EPB41L2: variants seen among roughly 807,000 people sequenced by gnomAD.
EPB41L2 encodes band 4.1-like protein 2.
A neutral mutation model predicts 113.0 loss-of-function variants in EPB41L2; 43 were observed. That is an observed-to-expected ratio of 0.38 (90% CI 0.30 to 0.49). The LOEUF (loss-of-function observed/expected upper bound fraction) is 0.49. Ranked by LOEUF, EPB41L2 falls within the 20% of genes least tolerant of loss-of-function variation. The probability of loss-of-function intolerance (pLI) is 0.95; values close to 1 mark genes in which losing one functional copy is unlikely to be tolerated. For missense variants in EPB41L2, 1,147 were observed against 1,223.4 expected, an observed-to-expected ratio of 0.94 and a Z score of 0.93; for synonymous variants, 442 against 436.7, an observed-to-expected ratio of 1.01 and a Z score of -0.15.
At chr6:130,946,896 A>G (rs1310097492) in intron 3 of EPB41L2, among the ~76,000 whole-genome samples, 2 of 152,050 alleles carry the variant, frequency 1.3e-5, no homozygotes. Context: ...GACCAAAGGT[A>G]CTGATAGGTA....
At chr6:131,005,088 A>C (rs1785170783) in intron 1 of EPB41L2, among the ~76,000 whole-genome samples, 1 of 152,202 alleles carries the variant, frequency 6.6e-6, no homozygotes, top group African/African-American at 2.4e-5. Context: ...ATATAGATAC[A>C]TTTAAAGTAG....
At chr6:131,050,743 T>G (rs1401633961) in intron 1 of EPB41L2, among the ~76,000 whole-genome samples, 1 of 152,226 alleles carries the variant, frequency 6.6e-6, no homozygotes. Flanking sequence ...AATCCCCAAA[T>G]CATATTCAAA....
intron 1 of EPB41L2, among the ~76,000 whole-genome samples, chr6:130,964,210 T>TG (rs1272893908): frequency 6.6e-6 from 1 of 152,026 alleles, no homozygotes; most frequent in African/African-American, 2.4e-5. Context: ...TTAGTAGAGA[T>TG]GGGGTTTCAC....
At chr6:131,027,774 C>T (rs374737510) in intron 1 of EPB41L2, among the ~76,000 whole-genome samples, 1 of 152,234 alleles carries the variant, frequency 6.6e-6, no homozygotes, top group East Asian at 1.9e-4. Flanking sequence ...TAAACATATA[C>T]ACCAACTACA....
chr6:130,865,447 G>C (rs1163264017), intron 17 of EPB41L2, 89 bp downstream of exon 17: 1 of 1,276,506 alleles, frequency 7.8e-7, no homozygotes, highest in African/African-American at 1.5e-5. Flanking sequence ...ATCTTACTTG[G>C]AAGTGTGTAC....
chr6:130,931,709 G>A (rs993542121), intron 3 of EPB41L2, among the ~76,000 whole-genome samples: 1 of 151,920 alleles, frequency 6.6e-6, no homozygotes, highest in African/African-American at 2.4e-5. Context: ...GAAGAACCAA[G>A]GCACAATGCA....
chr6:130,867,970 ACACTCTCT>A (rs1172374612), intron 15 of EPB41L2: 174 of 102,618 alleles, frequency 1.7e-3, no homozygotes, highest in African/African-American at 6.1e-3. Flanking sequence ...ACACACACAC[ACACTCTCT>A]CTCTCTCTCT....
chr6:130,989,104 A>G (rs1425164084), intron 1 of EPB41L2, among the ~76,000 whole-genome samples: 1 of 152,024 alleles, frequency 6.6e-6, no homozygotes. Flanking sequence ...CAAACAAACA[A>G]ACAAAGAATG....
At chr6:130,877,476 T>G (rs1230424473) in intron 14 of EPB41L2, among the ~76,000 whole-genome samples, 2 of 152,200 alleles carry the variant, frequency 1.3e-5, no homozygotes. Context: ...GAAGGCAATA[T>G]GTACTCATAT....
At chr6:130,974,889 C>A (rs1777849260) in intron 1 of EPB41L2, among the ~76,000 whole-genome samples, 1 of 151,890 alleles carries the variant, frequency 6.6e-6, no homozygotes, top group Non-Finnish European at 1.5e-5. Flanking sequence ...TCCCGAGTAC[C>A]TGGGACTACA....
chr6:130,880,198 G>T lies in EPB41L2; in HGVS notation c.1842C>A (p.Ser614=), dbSNP rs1562375866. 1 of 1,608,206 alleles carries T rather than the reference G, an allele frequency of 6.2e-7. No homozygotes were observed. Among genetic ancestry groups the T allele is most frequent in the South Asian group, 1.1e-5 (1 of 90,854 alleles). ...HLQLIEGKKN[S]LRVEGDNIYV... is the part of the protein sequence containing the mutation. ...AAATATTATCCCCTTCTACTCTCAAGGAATTTTTCTGTGAAATTAAATCAC... is the reference window on the plus strand; with the variant it reads ...AAATATTATCCCCTTCTACTCTCAATGAATTTTTCTGTGAAATTAAATCAC... The change falls in exon 13 of 20, where the codon TCC becomes TCA. Residue 614 remains serine (S), a synonymous_variant. Transcript: ENST00000337057.
At chr6:130,966,427 T>C (rs1030417952) in intron 1 of EPB41L2, among the ~76,000 whole-genome samples, 1 of 152,196 alleles carries the variant, frequency 6.6e-6, no homozygotes, top group Non-Finnish European at 1.5e-5. Flanking sequence ...ATGGATAGGA[T>C]ACCTTATACA....
intron 3 of EPB41L2, among the ~76,000 whole-genome samples, chr6:130,946,676 C>T (rs933518919): frequency 2.0e-5 from 3 of 151,784 alleles, no homozygotes; most frequent in Non-Finnish European, 4.4e-5. Context: ...GGGATATAGA[C>T]ACATAAAATA....
rs1164795724 is a variant in EPB41L2 at position 130,901,188 on chromosome 6, G to A, written c.930-8C>T. 4 of 1,612,100 alleles carry A rather than the reference G, an allele frequency of 2.5e-6. No individual in the cohort carries two copies. Among genetic ancestry groups the A allele is most frequent in the Non-Finnish European group, 3.4e-6 (4 of 1,179,632 alleles). ...TGAAGGCACAAGAAGTATCTGTGAG[G>A]AGCAGAGGGAGAAATGGGTCAGGGG... On this transcript the variant is annotated splice_polypyrimidine_tract_variant and splice_region_variant and intron_variant, in intron 6 of 19. Coordinates refer to ENST00000337057, the MANE Select transcript of EPB41L2 (RefSeq NM_001431.4).
At chr6:130,911,040 A>T (rs1799225327) in intron 4 of EPB41L2, among the ~76,000 whole-genome samples, 1 of 152,226 alleles carries the variant, frequency 6.6e-6, no homozygotes, top group South Asian at 2.1e-4. Flanking sequence ...TACCCAAAGG[A>T]TTATAAATCG....
chr6:130,967,555 T>C (rs1775617498), intron 1 of EPB41L2, among the ~76,000 whole-genome samples: 1 of 152,164 alleles, frequency 6.6e-6, no homozygotes, highest in Non-Finnish European at 1.5e-5. Flanking sequence ...TGGGGACATT[T>C]TTTTTTAAAG....
chr6:130,942,141 C>T (rs1811099582), intron 3 of EPB41L2, among the ~76,000 whole-genome samples: 1 of 152,160 alleles, frequency 6.6e-6, no homozygotes, highest in Non-Finnish European at 1.5e-5. Flanking sequence ...GCTATAAATA[C>T]TAATGATAAA....
intron 1 of EPB41L2, among the ~76,000 whole-genome samples, chr6:131,052,096 C>A (rs1476284966): frequency 6.6e-6 from 1 of 152,042 alleles, no homozygotes; most frequent in African/African-American, 2.4e-5. Context: ...ACCACCACAC[C>A]CAGCTGATTT....
At chr6:131,027,932 T>C (rs1262517106) in intron 1 of EPB41L2, among the ~76,000 whole-genome samples, 1 of 152,212 alleles carries the variant, frequency 6.6e-6, no homozygotes, top group African/African-American at 2.4e-5. Context: ...ATCCAACATA[T>C]AATATACTTA....
Sources: gnomAD v4.1 joint callset for allele counts (sites outside exome capture counted in the v4.1 genomes callset) on GRCh38, gnomAD v4.1.1 for gene constraint, MANE v1.5 for transcripts, NCBI Gene and HGNC (gene_info 2026-07-23, HGNC 2026-07-21) for gene names.